RUSF1: variants seen among roughly 807,000 people sequenced by gnomAD.
RUSF1 encodes RUS1 family protein C16orf58.
RUSF1 carries 58 observed loss-of-function variants against 63.0 expected under a neutral mutation model. The observed-to-expected ratio is 0.92, with a 90% confidence interval of 0.75 to 1.15. The LOEUF (loss-of-function observed/expected upper bound fraction) is 1.15. Among genes scored for constraint, RUSF1 ranks in the 50% most tolerant of loss-of-function variants. RUSF1 has a pLI of 0.00. For synonymous variants in RUSF1, 274 were observed against 255.8 expected (o/e 1.07, Z -0.68); for missense variants, 652 against 611.0 (o/e 1.07, Z -0.71).
intron 6 of RUSF1, 28 bp downstream of exon 6, chr16:31,496,821 A>G: frequency 6.6e-7 from 1 of 1,524,674 alleles, no homozygotes; most frequent in South Asian, 1.2e-5. Flanking sequence ...TCCCCACTCC[A>G]CGCCCTCCCT....
chr16:31,507,985 C>T (rs1321738343), intron 1 of RUSF1, 89 bp downstream of exon 1: 3 of 1,539,018 alleles, frequency 1.9e-6, no homozygotes, highest in African/African-American at 2.8e-5. Flanking sequence ...GACCCCCCGC[C>T]CCCCGGGCTC....
At chr16:31,494,210 C>A (rs2082590395) in intron 6 of RUSF1, among the ~76,000 whole-genome samples, 1 of 152,010 alleles carries the variant, frequency 6.6e-6, no homozygotes, top group Non-Finnish European at 1.5e-5. Context: ...CATAGTGGGA[C>A]CCTATTTCTA....
intron 6 of RUSF1, among the ~76,000 whole-genome samples, 169 bp from the exon 7 acceptor site, chr16:31,494,105 C>A (rs1049818282): frequency 6.6e-6 from 1 of 152,134 alleles, no homozygotes; most frequent in African/African-American, 2.4e-5. Context: ...TAAAAGATGC[C>A]AGCTCGAGGT....
rs767360089 is a variant in RUSF1 at position 31,499,302 on chromosome 16, C to T, written c.600G>A (p.Lys200=). The T allele has an allele frequency of 6.3e-5, 102 of 1,612,936 alleles. No homozygotes were observed. Among genetic ancestry groups the T allele is most frequent in the Non-Finnish European group, 8.3e-5 (98 of 1,179,104 alleles). The stretch of plus-strand genomic sequence containing the variant: ...GATGGGTGCCCCCACAGGCAGCTAC[C>T]TTGGCTAGGTTGCTGGTGGAGACGG... ...TMTVSTSNLA[K]CIVSVAGGAT... is the part of the protein sequence containing the mutation. The change falls in exon 5 of 13, where the codon AAG becomes AAA. Residue 200 remains lysine, a splice_region_variant and synonymous_variant. Transcript: ENST00000327237.
chr16:31,496,822 C>A, intron 6 of RUSF1, 27 bp downstream of exon 6: 1 of 1,528,492 alleles, frequency 6.5e-7, no homozygotes, highest in East Asian at 2.5e-5. Context: ...CCCCACTCCA[C>A]GCCCTCCCTC....
chr16:31,496,579 T>G (rs180855552), intron 6 of RUSF1, among the ~76,000 whole-genome samples: 56 of 152,246 alleles, frequency 3.7e-4, no homozygotes, highest in Non-Finnish European at 5.9e-4. Context: ...TGGGGCCTCA[T>G]GTGATCAGAA....
At chr16:31,503,342 GTC>G (rs1442694763) in intron 2 of RUSF1, among the ~76,000 whole-genome samples, 5 of 152,152 alleles carry the variant, frequency 3.3e-5, no homozygotes, top group African/African-American at 7.2e-5. Context: ...ACACACTTTT[GTC>G]TCTGTTTTTC....
rs549414503 is a variant in RUSF1 at position 31,497,718 on chromosome 16, G to A, written c.601-768C>T. 2.0e-5 allele frequency among the ~76,000 whole-genome samples: 3 copies of A among 152,334 alleles called. No individual in the cohort carries two copies. In the South Asian group the frequency reaches 6.2e-4, roughly 32 times the overall value. On this transcript the variant is annotated intron_variant, in intron 5 of 12. Coordinates refer to ENST00000327237, the MANE Select transcript of RUSF1 (RefSeq NM_022744.4). ...AGGCCCTGCCCTCATGGAGCATACA[G>A]ATCAACAGATAATAAACAAATAAAC... is the stretch of plus-strand genomic sequence containing the variant.
chr16:31,493,145 C>T, intron 9 of RUSF1, 97 bp from the exon 10 acceptor site: 1 of 1,284,352 alleles, frequency 7.8e-7, no homozygotes, highest in East Asian at 2.4e-5. Context: ...TGAAATGATC[C>T]AGGCTTCACT....
At chr16:31,501,020 T>A (rs1036543425) in intron 2 of RUSF1, among the ~76,000 whole-genome samples, 1 of 152,134 alleles carries the variant, frequency 6.6e-6, no homozygotes, top group Admixed American at 6.5e-5. Flanking sequence ...ACAGAATACA[T>A]AAATTCTAGT....
chr16:31,496,679 C>T (rs910982263), intron 6 of RUSF1, among the ~76,000 whole-genome samples, 170 bp downstream of exon 6: 31 of 152,198 alleles, frequency 2.0e-4, no homozygotes, highest in Non-Finnish European at 8.8e-5. Flanking sequence ...GAGATCAGCT[C>T]GGACTTGCCG....
rs1596633310 is a variant in RUSF1, at chr16:31,507,839, C to T, written c.340G>A (p.Ala114Thr). Reference protein sequence around the residue: ...SSLSGSLATQAVLLGIGVGNA... With the variant: ...SSLSGSLATQTVLLGIGVGNA... Reference sequence around the variant, plus strand: ...CCCACCCCTATGCCCAGCAAGACTGCCTGGGTGGCTAGGGAGCCGGAGAGG... The same window carrying T: ...CCCACCCCTATGCCCAGCAAGACTGTCTGGGTGGCTAGGGAGCCGGAGAGG... The change falls in exon 2 of 13, where the codon GCA becomes ACA. Residue 114 changes from alanine (A) to threonine (T), a missense_variant. Coordinates refer to ENST00000327237, the MANE Select transcript of RUSF1 (RefSeq NM_022744.4). The T allele has an allele frequency of 6.3e-7, 1 of 1,575,408 alleles. No individual in the cohort carries two copies. Among genetic ancestry groups the T allele is most frequent in the Non-Finnish European group, 8.6e-7 (1 of 1,159,944 alleles).
At chr16:31,505,464 T>C (rs2082654105) in intron 2 of RUSF1, among the ~76,000 whole-genome samples, 1 of 152,186 alleles carries the variant, frequency 6.6e-6, no homozygotes, top group African/African-American at 2.4e-5. Flanking sequence ...TCTGTCTCTG[T>C]GTCTTATTTC....
At chr16:31,505,208 A>G (rs988958638) in intron 2 of RUSF1, among the ~76,000 whole-genome samples, 25 of 152,186 alleles carry the variant, frequency 1.6e-4, no homozygotes, top group Admixed American at 3.9e-4. Context: ...GGAGAGAAGC[A>G]TAAGTCTGGC....
Position 31,490,107 on chromosome 16 carries a change from CA to C in RUSF1, c.*727del, listed in dbSNP as rs1320269014. ...TTCGTGCTCCCACCCTCCCCAGCTC[CA>C]CCGCCTGGTCTTCAGTCTCCGGCAT... On this transcript the variant is annotated 3_prime_UTR_variant, in exon 13 of 13. Transcript: ENST00000327237. 6.2e-7 allele frequency: 1 copy of C among 1,613,814 alleles called. No homozygotes were observed. Among genetic ancestry groups the C allele is most frequent in the South Asian group, 1.1e-5 (1 of 91,052 alleles).
At chr16:31,493,433 G>C in intron 9 of RUSF1, 34 bp downstream of exon 9, 1 of 1,568,120 alleles carries the variant, frequency 6.4e-7, no homozygotes, top group Non-Finnish European at 8.6e-7. Flanking sequence ...TGTGGGTGGC[G>C]GTGGTGACGA....
chr16:31,496,087 AGTTT>A (rs746958864), intron 6 of RUSF1, among the ~76,000 whole-genome samples: 26 of 151,874 alleles, frequency 1.7e-4, no homozygotes, highest in South Asian at 2.1e-4. Context: ...TTGGTGTGAG[AGTTT>A]GTTTGTTTTT....
intron 5 of RUSF1, among the ~76,000 whole-genome samples, chr16:31,498,675 C>T (rs756702554): frequency 3.3e-5 from 5 of 152,208 alleles, no homozygotes; most frequent in South Asian, 2.1e-4. Context: ...GCTTGAGCCC[C>T]GCGTGTCCCC....
At chr16:31,501,095 T>C (rs780327318) in intron 2 of RUSF1, among the ~76,000 whole-genome samples, 3 of 152,184 alleles carry the variant, frequency 2.0e-5, no homozygotes, top group African/African-American at 4.8e-5. Context: ...AAATAACTCA[T>C]GAAGACCACA....
Sources: gnomAD v4.1 joint callset for allele counts (sites outside exome capture counted in the v4.1 genomes callset) on GRCh38, gnomAD v4.1.1 for gene constraint, MANE v1.5 for transcripts, NCBI Gene and HGNC (gene_info 2026-07-23, HGNC 2026-07-21) for gene names.